Variants in SLC22A25 observed in about 807,000 individuals in gnomAD.
SLC22A25 encodes solute carrier family 22 member 25.
SLC22A25 carries 44 observed loss-of-function variants against 45.9 expected under a neutral mutation model. The observed-to-expected ratio is 0.96, with a 90% confidence interval of 0.75 to 1.23. The LOEUF (loss-of-function observed/expected upper bound fraction) is 1.23. Among genes scored for constraint, SLC22A25 ranks in the 50% most tolerant of loss-of-function variants. The probability of loss-of-function intolerance (pLI) is 0.00; values close to 1 mark genes in which losing one functional copy is unlikely to be tolerated. For missense variants in SLC22A25, 800 were observed against 666.4 expected, an observed-to-expected ratio of 1.20 and a Z score of -2.21; for synonymous variants, 283 against 238.6, an observed-to-expected ratio of 1.19 and a Z score of -1.72.
Position 63,200,720 on chromosome 11 carries a change from C to A in SLC22A25, c.830+16594G>T, listed in dbSNP as rs115030060. On this transcript the variant is annotated intron_variant, in intron 7 of 11. Transcript: ENST00000306494. ...ATAGGAAGAGAGGAAGTCAAACTAT[C>A]CCTGTTCATAGATGACAGGTCTTAT... 4.3e-3 allele frequency among the ~76,000 whole-genome samples: 649 copies of A among 152,180 alleles called. 7 individuals are homozygous for A. The highest frequency in any genetic ancestry group is 0.015 in the African/African-American group (615 of 41,528).
intron 7 of SLC22A25, among the ~76,000 whole-genome samples, chr11:63,184,161 T>C (rs1590811197): frequency 1.3e-5 from 2 of 152,268 alleles, no homozygotes; most frequent in Non-Finnish European, 1.5e-5. Flanking sequence ...CTATTCATAA[T>C]GTGTTCTTTT....
At position 63,164,644 on chromosome 11, in the gene SLC22A25, G is replaced by A. The variant is rs749076798; in HGVS notation, c.1286-10C>T. 1.3e-5 allele frequency: 21 copies of A among 1,607,746 alleles called. No individual in the cohort carries two copies. Among genetic ancestry groups the A allele is most frequent in the Non-Finnish European group, 1.7e-5 (20 of 1,174,576 alleles). Reference sequence around the variant, plus strand: ...CGCAGGGTCTGCATTTCTGGAGAAAGGAAGACCACAGGGCCTCAGGAAATC... The same window carrying A: ...CGCAGGGTCTGCATTTCTGGAGAAAAGAAGACCACAGGGCCTCAGGAAATC... On this transcript the variant is annotated splice_polypyrimidine_tract_variant and intron_variant, in intron 10 of 11. Transcript: ENST00000306494.
chr11:63,234,902 A>T (rs187506071), intron 3 of SLC22A25, among the ~76,000 whole-genome samples: 1 of 152,276 alleles, frequency 6.6e-6, no homozygotes, highest in African/African-American at 2.4e-5. Context: ...AATGAAGCTT[A>T]GTTTGGCTGG....
At chr11:63,194,579 A>G (rs982483549) in intron 7 of SLC22A25, among the ~76,000 whole-genome samples, 1 of 152,192 alleles carries the variant, frequency 6.6e-6, no homozygotes, top group African/African-American at 2.4e-5. Context: ...AAACATGGAA[A>G]GGAACAACGG....
At chr11:63,233,346 T>C (rs1468499357) in intron 3 of SLC22A25, among the ~76,000 whole-genome samples, 1 of 152,230 alleles carries the variant, frequency 6.6e-6, no homozygotes, top group African/African-American at 2.4e-5. Flanking sequence ...ATTCAACTTC[T>C]TCCTGGTTTA....
At chr11:63,235,210 G>T (rs940768240) in intron 3 of SLC22A25, among the ~76,000 whole-genome samples, 1 of 152,206 alleles carries the variant, frequency 6.6e-6, no homozygotes, top group African/African-American at 2.4e-5. Context: ...GATTGGGGAA[G>T]TTCTCCTGGA....
chr11:63,162,661 A>T lies in SLC22A25; in HGVS notation c.*1163T>A, dbSNP rs181598694. ...ATCTTCATATCCAGAAACATGTGAGATGTATATAATTATACAAATGTTCTA... is the reference window on the plus strand; with the variant it reads ...ATCTTCATATCCAGAAACATGTGAGTTGTATATAATTATACAAATGTTCTA... On this transcript the variant is annotated 3_prime_UTR_variant, in exon 12 of 12. Coordinates refer to ENST00000306494, the MANE Select transcript of SLC22A25 (RefSeq NM_199352.6). Among the ~76,000 whole-genome samples, 80 of 152,292 alleles carry T rather than the reference A, an allele frequency of 5.3e-4. No individual in the cohort carries two copies. Among genetic ancestry groups the T allele is most frequent in the African/African-American group, 1.9e-3 (78 of 41,580 alleles).
intron 7 of SLC22A25, among the ~76,000 whole-genome samples, chr11:63,192,094 A>G (rs1019632196): frequency 1.3e-5 from 2 of 152,192 alleles, no homozygotes; most frequent in Non-Finnish European, 2.9e-5. Flanking sequence ...AAGAAAGGCC[A>G]AGTCACCTAC....
chr11:63,230,959 G>A (rs1466618693), intron 3 of SLC22A25, among the ~76,000 whole-genome samples: 1 of 152,156 alleles, frequency 6.6e-6, no homozygotes, highest in African/African-American at 2.4e-5. Context: ...CTTCATCCAT[G>A]TCTCTACAAA....
intron 7 of SLC22A25, among the ~76,000 whole-genome samples, chr11:63,195,815 C>A (rs1480790038): frequency 6.6e-6 from 1 of 152,030 alleles, no homozygotes. Context: ...AATCCAGGAG[C>A]TGGTTTTTTG....
chr11:63,188,346 A>T lies in SLC22A25; in HGVS notation c.831-4529T>A, dbSNP rs528375536. On this transcript the variant is annotated intron_variant, in intron 7 of 11. Coordinates refer to ENST00000306494, the MANE Select transcript of SLC22A25 (RefSeq NM_199352.6). ...GTTTATTTGCATAGAGGTTTTTATA[A>T]TATTGTCTGATGGTAGTTTGTATTT... Among the ~76,000 whole-genome samples, 6 of 152,020 alleles carry T rather than the reference A, an allele frequency of 3.9e-5. 1 individual carries two copies. The highest frequency in any genetic ancestry group is 2.1e-4 in the South Asian group (1 of 4,810).
intron 7 of SLC22A25, among the ~76,000 whole-genome samples, chr11:63,203,552 A>G (rs2089311338): frequency 6.6e-6 from 1 of 151,928 alleles, no homozygotes; most frequent in Non-Finnish European, 1.5e-5. Flanking sequence ...AGAAGAAAGT[A>G]TATCAGAGAT....
chr11:63,207,304 T>C (rs1269353892), intron 7 of SLC22A25, among the ~76,000 whole-genome samples: 2 of 152,106 alleles, frequency 1.3e-5, no homozygotes, highest in Non-Finnish European at 2.9e-5. Context: ...CTGCACAGCA[T>C]TGGTAACTAT....
chr11:63,185,896 G>T (rs908812480), intron 7 of SLC22A25, among the ~76,000 whole-genome samples: 149 of 150,154 alleles, frequency 9.9e-4, no homozygotes, highest in African/African-American at 3.5e-3. Flanking sequence ...TGGCTGCATA[G>T]TATTCCATGG....
intron 3 of SLC22A25, among the ~76,000 whole-genome samples, chr11:63,237,196 G>A (rs2090179443): frequency 6.6e-6 from 1 of 152,170 alleles, no homozygotes; most frequent in South Asian, 2.1e-4. Context: ...ACTAGAGGGA[G>A]GAAGGAGGGA....
intron 9 of SLC22A25, among the ~76,000 whole-genome samples, chr11:63,168,364 C>G (rs1197958732): frequency 2.0e-5 from 3 of 152,126 alleles, no homozygotes; most frequent in African/African-American, 7.2e-5. Flanking sequence ...TAATAACAAA[C>G]TCCCCTGAGC....
At chr11:63,196,049 C>T (rs558107290) in intron 7 of SLC22A25, among the ~76,000 whole-genome samples, 2 of 152,254 alleles carry the variant, frequency 1.3e-5, no homozygotes, top group South Asian at 4.1e-4. Context: ...CAAGACTAAA[C>T]CACGAAGAAG....
intron 7 of SLC22A25, among the ~76,000 whole-genome samples, chr11:63,209,267 T>G (rs1317378114): frequency 6.6e-6 from 1 of 152,094 alleles, no homozygotes; most frequent in Admixed American, 6.6e-5. Context: ...AAGGCATTAG[T>G]GGCTCGGGCA....
In SLC22A25 at chr11:63,217,612, T is replaced by C; in HGVS notation, c.630A>G (p.Thr210=). 6.2e-7 allele frequency: 1 copy of C among 1,613,768 alleles called. No homozygotes were observed. Among genetic ancestry groups the C allele is most frequent in the Non-Finnish European group, 8.5e-7 (1 of 1,179,954 alleles). The change falls in exon 6 of 12, where the codon ACA becomes ACG. Residue 210 remains threonine (T), a synonymous_variant. Coordinates refer to ENST00000306494, the MANE Select transcript of SLC22A25 (RefSeq NM_199352.6). ...CSLRFLAGAA[T]FSIIVNTVLL... ...AAACAGTATTTACAATGATGCTAAA[T>C]GTAGCAGCCCCAGCCAAGAAGCGCA...
Sources: gnomAD v4.1 joint callset for allele counts (sites outside exome capture counted in the v4.1 genomes callset) on GRCh38, gnomAD v4.1.1 for gene constraint, MANE v1.5 for transcripts, NCBI Gene and HGNC (gene_info 2026-07-23, HGNC 2026-07-21) for gene names.